The following ZMAT5 variants were observed in gnomAD, a reference collection of about 807,000 sequenced individuals.
ZMAT5 encodes zinc finger matrin-type 5.
In ZMAT5, 23 loss-of-function variants were observed where a neutral mutation model predicts 28.0. That is an observed-to-expected ratio of 0.82 (90% CI 0.59 to 1.16). The LOEUF (loss-of-function observed/expected upper bound fraction) is 1.16. Among genes scored for constraint, ZMAT5 ranks in the 50% most tolerant of loss-of-function variants. The pLI is 0.00. For synonymous variants in ZMAT5, 76 were observed against 84.1 expected, an observed-to-expected ratio of 0.90 and a Z score of 0.52; for missense variants, 173 against 212.7, an observed-to-expected ratio of 0.81 and a Z score of 1.16.
intron 2 of ZMAT5, chr22:29,747,113 G>T (rs537012950): frequency 6.6e-6 from 1 of 152,276 alleles, no homozygotes; most frequent in African/African-American, 2.4e-5. Flanking sequence ...AGGGGATGGG[G>T]TTGGGGAATC....
At chr22:29,744,468 C>A in intron 2 of ZMAT5, among the ~76,000 whole-genome samples, 1 of 151,750 alleles carries the variant, frequency 6.6e-6, no homozygotes, top group Non-Finnish European at 1.5e-5. Context: ...GAGGGTCTAT[C>A]TGTTAGCGCC....
At chr22:29,752,739 C>T (rs1218485482) in intron 1 of ZMAT5, among the ~76,000 whole-genome samples, 4 of 152,180 alleles carry the variant, frequency 2.6e-5, no homozygotes, top group Non-Finnish European at 4.4e-5. Context: ...ATATTGGTCT[C>T]GCCATGTTGC....
Position 29,731,067 on chromosome 22 carries a change from G to A in ZMAT5, c.*158C>T, listed in dbSNP as rs1164633414. 1 of 724,114 alleles carries A rather than the reference G, an allele frequency of 1.4e-6. No homozygotes were observed. Among genetic ancestry groups the A allele is most frequent in the African/African-American group, 1.8e-5 (1 of 54,460 alleles). The allele number at this position is 724,114 out of a possible 1,614,324, so 44.9% of individuals were successfully genotyped here. A position where few individuals can be genotyped will look rare whatever the true frequency, so the allele number is the denominator to read the frequency against. ...GGGAGAGCTGCCCGGTGCAGACCCA[G>A]GACGAGGGCTGCACTTGGTGTGGCC... On this transcript the variant is annotated 3_prime_UTR_variant, in exon 6 of 6. Transcript: ENST00000344318.
chr22:29,751,965 C>CA (rs879638092), intron 1 of ZMAT5, among the ~76,000 whole-genome samples: 24 of 144,664 alleles, frequency 1.7e-4, no homozygotes, highest in Admixed American at 7.5e-4. Flanking sequence ...GACCCCCATC[C>CA]AAAAAAAAAA....
intron 2 of ZMAT5, among the ~76,000 whole-genome samples, chr22:29,742,990 C>G (rs923256632): frequency 6.6e-6 from 1 of 151,950 alleles, no homozygotes; most frequent in Non-Finnish European, 1.5e-5. Flanking sequence ...GCTGGTGTCT[C>G]ATTATGTTGC....
At chr22:29,763,977 C>G (rs943760257) in intron 1 of ZMAT5, among the ~76,000 whole-genome samples, 3 of 151,068 alleles carry the variant, frequency 2.0e-5, no homozygotes, top group Non-Finnish European at 4.4e-5. Flanking sequence ...ATAATAATAA[C>G]CCAGCATGGT....
intron 1 of ZMAT5, among the ~76,000 whole-genome samples, chr22:29,758,225 G>C (rs1454067393): frequency 6.6e-6 from 1 of 152,206 alleles, no homozygotes; most frequent in African/African-American, 2.4e-5. Flanking sequence ...ACCCTGGCTG[G>C]TATCTTGACT....
Position 29,742,307 on chromosome 22 carries a change from T to C in ZMAT5, c.190+111A>G, listed in dbSNP as rs144415111. On this transcript the variant is annotated intron_variant, in intron 3 of 5. Transcript: ENST00000344318. Reference sequence around the variant, plus strand: ...GTCAGCTGGAGCCACTGCTGCAAAGTGGGCTTGGGATGGTGGCCCGGGTCG... The same window carrying C: ...GTCAGCTGGAGCCACTGCTGCAAAGCGGGCTTGGGATGGTGGCCCGGGTCG... The C allele has an allele frequency of 9.1e-4, 976 of 1,072,444 alleles. 6 individuals carry two copies. In the African/African-American group the frequency reaches 0.014, roughly 15 times the overall value. 66.4% of individuals were successfully genotyped at this position (1,072,444 alleles called of 1,614,324 possible). A position where few individuals can be genotyped will look rare whatever the true frequency, so the allele number is the denominator to read the frequency against.
At chr22:29,764,577 G>T (rs1352403850) in intron 1 of ZMAT5, among the ~76,000 whole-genome samples, 1 of 152,050 alleles carries the variant, frequency 6.6e-6, no homozygotes, top group Non-Finnish European at 1.5e-5. Context: ...CTCAGTTAGT[G>T]GCAGCCTCCG....
At position 29,732,733 on chromosome 22, in the gene ZMAT5, CCTT is replaced by C. The variant is rs375870932; in HGVS notation, c.384-1382_384-1380del. ...CCAGCCTGGGCGACAGAGCGAGACTCCTTCTCAAAAAAAAAAAAAAAAAAAAAA... is the reference window on the plus strand; with the variant it reads ...CCAGCCTGGGCGACAGAGCGAGACTCCTCAAAAAAAAAAAAAAAAAAAAAA... On this transcript the variant is annotated intron_variant, in intron 5 of 5. Coordinates refer to ENST00000344318, the MANE Select transcript of ZMAT5 (RefSeq NM_001003692.2). Among the ~76,000 whole-genome samples, 519 of 116,164 alleles carry C rather than the reference CCTT, an allele frequency of 4.5e-3. 16 individuals carry two copies. The highest frequency in any genetic ancestry group is 0.016 in the Middle Eastern group (4 of 256). The allele number at this position is 116,164 out of a possible 152,430, so 76.2% of individuals were successfully genotyped here.
chr22:29,751,723 T>C (rs1440846991), intron 1 of ZMAT5, among the ~76,000 whole-genome samples: 1 of 152,154 alleles, frequency 6.6e-6, no homozygotes, highest in Non-Finnish European at 1.5e-5. Context: ...TCCCAGCATT[T>C]TGGGAGGCCG....
chr22:29,753,149 TC>T (rs2068069551), intron 1 of ZMAT5, among the ~76,000 whole-genome samples: 1 of 152,188 alleles, frequency 6.6e-6, no homozygotes, highest in African/African-American at 2.4e-5. Flanking sequence ...AGGGCTTACA[TC>T]CAGTCGCTAC....
At chr22:29,741,558 G>A (rs1232051387) in intron 3 of ZMAT5, among the ~76,000 whole-genome samples, 3 of 152,206 alleles carry the variant, frequency 2.0e-5, no homozygotes, top group Non-Finnish European at 2.9e-5. Context: ...GGCAAGCATG[G>A]AGGAGACTAT....
chr22:29,754,199 C>T (rs897244237), intron 1 of ZMAT5, among the ~76,000 whole-genome samples: 21 of 152,276 alleles, frequency 1.4e-4, no homozygotes, highest in Admixed American at 1.3e-3. Context: ...TGTGATTCAT[C>T]CCCATCCTCT....
At chr22:29,741,655 C>CT (rs1488997204) in intron 3 of ZMAT5, among the ~76,000 whole-genome samples, 3 of 152,072 alleles carry the variant, frequency 2.0e-5, no homozygotes, top group Non-Finnish European at 2.9e-5. Flanking sequence ...CTTGCTCTGT[C>CT]TTTTTTTAAA....
rs991332586 is a variant in ZMAT5, at chr22:29,731,121, G to A, written c.*104C>T. 3.1e-6 allele frequency: 4 copies of A among 1,271,380 alleles called. No individual in the cohort carries two copies. In the African/African-American group the frequency reaches 6.2e-5, roughly 20 times the overall value. 78.8% of individuals were successfully genotyped at this position (1,271,380 alleles called of 1,614,324 possible). On this transcript the variant is annotated 3_prime_UTR_variant, in exon 6 of 6. Transcript: ENST00000344318. The stretch of plus-strand genomic sequence containing the variant: ...TCCTGAGCCTCAGTGAGGCTGGGCA[G>A]ATGGTCTCGGAGCCTCCATGGGGCG...
chr22:29,748,356 G>A (rs1438996300), intron 2 of ZMAT5, 62 bp downstream of exon 2: 3 of 1,611,056 alleles, frequency 1.9e-6, no homozygotes, highest in Non-Finnish European at 2.5e-6. Flanking sequence ...AGGAGTCTTT[G>A]ATGATAAGAA....
In ZMAT5 at chr22:29,740,668, G is replaced by C; in HGVS notation, c.253C>G (p.Leu85Val). The change falls in exon 4 of 6, where the codon CTG (leucine) becomes GTG (valine). Residue 85 changes from leucine (L) to valine (V), a missense_variant. By Grantham distance (32) the Leu-to-Val change is conservative. Transcript: ENST00000344318. ...GACGTACCCTCCACCTGGATGCTCA[G>C]CTCCTGCAGGTCTCGCTCTGACATG... ...SHMSERDLQE[L>V]SIQVEEERRA... 1 of 1,603,420 alleles carries C rather than the reference G, an allele frequency of 6.2e-7. No individual in the cohort carries two copies. The highest frequency in any genetic ancestry group is 8.5e-7 in the Non-Finnish European group (1 of 1,175,330).
At chr22:29,760,016 C>T (rs963571574) in intron 1 of ZMAT5, among the ~76,000 whole-genome samples, 8 of 152,034 alleles carry the variant, frequency 5.3e-5, no homozygotes, top group African/African-American at 1.7e-4. Context: ...CCCTGGGCAA[C>T]ATGGTGAAAC....
Sources: allele counts gnomAD v4.1 joint callset (sites outside exome capture counted in the v4.1 genomes callset), GRCh38; gene constraint gnomAD v4.1.1; transcripts MANE v1.5; gene names NCBI Gene and HGNC (gene_info 2026-07-23, HGNC 2026-07-21).